The following CLPX variants were observed in gnomAD, a reference collection of about 807,000 sequenced individuals.
The protein encoded by CLPX is ATP-dependent clpX-like chaperone, mitochondrial.
CLPX carries 34 observed loss-of-function variants against 76.4 expected under a neutral mutation model. That is an observed-to-expected ratio of 0.45 (90% CI 0.34 to 0.59). The LOEUF is 0.59. Ranked by LOEUF, CLPX falls within the 20% of genes least tolerant of loss-of-function variation. The pLI is 0.01. For synonymous variants in CLPX, 248 were observed against 270.9 expected, an observed-to-expected ratio of 0.92 and a Z score of 0.83; for missense variants, 613 against 757.0, an observed-to-expected ratio of 0.81 and a Z score of 2.23.
chr15:65,180,639 C>T (rs2088154558), intron 1 of CLPX, among the ~76,000 whole-genome samples: 1 of 152,086 alleles, frequency 6.6e-6, no homozygotes, highest in African/African-American at 2.4e-5. Context: ...TGGTGGCTCA[C>T]CCCTGTAATC....
chr15:65,149,371 A>G lies in CLPX; in HGVS notation c.*1452T>C. ...ACGCCTGTAGTCCCAGCTACTCAGG[A>G]GGCTGAGGCATGAGTATCGCTTGAA... On this transcript the variant is annotated 3_prime_UTR_variant, in exon 14 of 14. Transcript: ENST00000300107. 4.3e-6 allele frequency: 1 copy of G among 230,140 alleles called. No individual in the cohort carries two copies. The highest frequency in any genetic ancestry group is 4.7e-5 in the South Asian group (1 of 21,372). 14.3% of individuals were successfully genotyped at this position (230,140 alleles called of 1,614,324 possible).
intron 3 of CLPX, among the ~76,000 whole-genome samples, chr15:65,176,895 A>G (rs994296052): frequency 9.9e-5 from 15 of 151,616 alleles, no homozygotes; most frequent in African/African-American, 2.9e-4. Flanking sequence ...GCGCCTGGCA[A>G]CAAATTATTC....
At chr15:65,162,573 T>C in intron 6 of CLPX, 31 bp downstream of exon 6, 1 of 1,473,662 alleles carries the variant, frequency 6.8e-7, no homozygotes, top group Non-Finnish European at 9.4e-7. Context: ...AAAGGAAGAA[T>C]GATTACAGAG....
intron 3 of CLPX, 122 bp from the exon 4 acceptor site, chr15:65,166,907 T>C: frequency 1.1e-6 from 1 of 904,540 alleles, no homozygotes. Context: ...TGCTGTTCAA[T>C]CTACTTGCCA....
intron 3 of CLPX, among the ~76,000 whole-genome samples, chr15:65,173,446 G>A (rs956809262): frequency 6.6e-6 from 1 of 151,624 alleles, no homozygotes. Flanking sequence ...TCATATTGCT[G>A]GTCAGATTGT....
intron 1 of CLPX, among the ~76,000 whole-genome samples, chr15:65,182,642 G>T (rs1229865491): frequency 1.3e-5 from 2 of 152,204 alleles, no homozygotes; most frequent in Non-Finnish European, 2.9e-5. Context: ...TTCAGTTAGA[G>T]CTTAGTGAAA....
chr15:65,168,496 G>A (rs796874294), intron 3 of CLPX, among the ~76,000 whole-genome samples: 25 of 146,480 alleles, frequency 1.7e-4, no homozygotes, highest in African/African-American at 6.0e-4. Context: ...ACTATCGCAA[G>A]GACAGAAAAC....
At chr15:65,178,560 T>TTA (rs997237577) in intron 3 of CLPX, among the ~76,000 whole-genome samples, 30 of 151,942 alleles carry the variant, frequency 2.0e-4, no homozygotes, top group Middle Eastern at 3.4e-3. Context: ...TTAATACAAT[T>TTA]TATATATATA....
chr15:65,170,785 C>CATT (rs2087991324), intron 3 of CLPX, among the ~76,000 whole-genome samples: 1 of 149,310 alleles, frequency 6.7e-6, no homozygotes, highest in African/African-American at 2.4e-5. Context: ...AAAACCACTT[C>CATT]ATTATCAATT....
chr15:65,183,545 AAGAC>A (rs1308606557), intron 1 of CLPX, among the ~76,000 whole-genome samples: 7 of 151,628 alleles, frequency 4.6e-5, no homozygotes, highest in Non-Finnish European at 7.4e-5. Flanking sequence ...AAAGGAAAGA[AAGAC>A]AGGAAGGAAG....
At chr15:65,153,429 AT>A (rs1479816571) in intron 12 of CLPX, 117 bp downstream of exon 12, 4 of 690,100 alleles carry the variant, frequency 5.8e-6, no homozygotes, top group Non-Finnish European at 9.9e-6. Context: ...GCACTCCTTT[AT>A]TTGAGACTCT....
rs1028089321 is a variant in CLPX, at chr15:65,156,945, G to A, written c.1058-13C>T. ...AGAAAGACAATTCCTATAATTTAAG[G>A]AGGATTCTATTTATAATACGAAAAA... On this transcript the variant is annotated splice_polypyrimidine_tract_variant and intron_variant, in intron 8 of 13. Transcript: ENST00000300107. 2.1e-5 allele frequency: 33 copies of A among 1,564,700 alleles called. No individual in the cohort carries two copies. In the Admixed American group the frequency reaches 4.6e-4, roughly 22 times the overall value.
chr15:65,163,527 C>T (rs937993585), intron 5 of CLPX, among the ~76,000 whole-genome samples: 4 of 152,124 alleles, frequency 2.6e-5, no homozygotes, highest in African/African-American at 9.7e-5. Flanking sequence ...ATTAAATATT[C>T]ATATTTACTC....
rs2087680909 is a variant in CLPX at position 65,148,568 on chromosome 15, T to A, written c.*2255A>T. On this transcript the variant is annotated 3_prime_UTR_variant, in exon 14 of 14. Coordinates refer to ENST00000300107, the MANE Select transcript of CLPX (RefSeq NM_006660.5). Reference sequence around the variant, plus strand: ...AGCAACCAGCCTTAACACTCTGTAATACAAAGTGCATTTCTGGTCCTACCC... The same window carrying A: ...AGCAACCAGCCTTAACACTCTGTAAAACAAAGTGCATTTCTGGTCCTACCC... 6.6e-6 allele frequency: 1 copy of A among 152,200 alleles called. No individual in the cohort carries two copies. The highest frequency in any genetic ancestry group is 2.4e-5 in the African/African-American group (1 of 41,452). 9.4% of individuals were successfully genotyped at this position (152,200 alleles called of 1,614,324 possible).
intron 13 of CLPX, among the ~76,000 whole-genome samples, chr15:65,151,456 GAAAAAAAAAA>G (rs529752332): frequency 9.4e-5 from 7 of 74,596 alleles, no homozygotes; most frequent in Admixed American, 4.8e-4. Flanking sequence ...ATTACTGGGA[GAAAAAAAAAA>G]AAAAAAAAAA....
chr15:65,156,728 G>A, intron 9 of CLPX, 116 bp downstream of exon 9: 2 of 594,998 alleles, frequency 3.4e-6, no homozygotes, highest in South Asian at 5.0e-5. Context: ...GTGGAGTTTG[G>A]GGGCGGAAGA....
rs1318438048 is a variant in CLPX, at chr15:65,166,740, A to G, written c.404T>C (p.Val135Ala). 1 of 1,613,934 alleles carries G rather than the reference A, an allele frequency of 6.2e-7. No individual in the cohort carries two copies. The highest frequency in any genetic ancestry group is 8.5e-7 in the Non-Finnish European group (1 of 1,179,968). ...CTTTGAGTCTGCTTCAGATAGCACA[A>G]CAAAAAAATGATGACACTTTTCACA... ...VKCEKCHHFF[V>A]VLSEADSKKS... Residue 135 changes from valine (V) to alanine (A), a missense_variant, in exon 4 of 14, where the codon GTT becomes GCT. Around this residue, in one of 2 missense-constraint regions of CLPX, gnomAD observed 450 missense variants for 638.6 expected, o/e 0.70. Transcript: ENST00000300107.
At chr15:65,171,715 G>A (rs2088009699) in intron 3 of CLPX, among the ~76,000 whole-genome samples, 1 of 152,174 alleles carries the variant, frequency 6.6e-6, no homozygotes, top group African/African-American at 2.4e-5. Context: ...CAGAGAAGCC[G>A]CTGATCTAGT....
In CLPX at chr15:65,152,522, T is replaced by C. The variant is rs1350447068; in HGVS notation, c.1719A>G (p.Leu573=). The change falls in exon 13 of 14, where the codon CTA becomes CTG. Residue 573 remains leucine (L), a synonymous_variant. Coordinates refer to ENST00000300107, the MANE Select transcript of CLPX (RefSeq NM_006660.5). ...AATTAGGGACTTCAAACATTGGTTC[T>C]AGTAACAGCTTTTCCTAAAGAAATA... The part of the protein sequence containing the change: ...GLRSIMEKLL[L]EPMFEVPNSD... 3 of 1,520,126 alleles carry C rather than the reference T, an allele frequency of 2.0e-6. No homozygotes were observed. The highest frequency in any genetic ancestry group is 2.6e-6 in the Non-Finnish European group (3 of 1,132,374). The allele number at this position is 1,520,126 out of a possible 1,614,324, so 94.2% of individuals were successfully genotyped here.
Sources: gnomAD v4.1 joint callset for allele counts (sites outside exome capture counted in the v4.1 genomes callset) on GRCh38, gnomAD v4.1.1 for gene constraint, gnomAD v4.1.1 regional missense constraint, MANE v1.5 for transcripts, NCBI Gene and HGNC (gene_info 2026-07-23, HGNC 2026-07-21) for gene names.